UBA7: variants seen among roughly 807,000 people sequenced by gnomAD.
UBA7 encodes the protein ubiquitin like modifier activating enzyme 7, also known as ubiquitin-like modifier-activating enzyme 7.
Under a neutral mutation model 113.0 loss-of-function variants are expected in UBA7, and 88 were observed. The observed-to-expected ratio is 0.78, with a 90% CI of 0.66 to 0.93. The LOEUF is 0.93. Ranked by LOEUF, UBA7 falls within the 40% of genes least tolerant of loss-of-function variation. The probability of loss-of-function intolerance (pLI) is 0.00; values close to 1 mark genes in which losing one functional copy is unlikely to be tolerated. For synonymous variants in UBA7, 459 were observed against 513.0 expected, an observed-to-expected ratio of 0.89 and a Z score of 1.42; for missense variants, 1,092 against 1,266.4, an observed-to-expected ratio of 0.86 and a Z score of 2.09.
rs753048014 is a variant in UBA7, at chr3:49,811,074, G to A, written c.1140C>T (p.Phe380=). 3.1e-5 allele frequency: 50 copies of A among 1,613,880 alleles called. No homozygotes were observed. Among genetic ancestry groups the A allele is most frequent in the Non-Finnish European group, 4.0e-5 (47 of 1,180,008 alleles). ...QEVLKAISRK[F]MPLDQWLYFD... The stretch of plus-strand genomic sequence containing the variant: ...AGTAAAGCCACTGGTCCAGAGGCAT[G>A]AACTTCCTGGAGATTGCCTAGGGGC... The change falls in exon 10 of 24, where the codon TTC becomes TTT. Residue 380 remains phenylalanine, a synonymous_variant. Coordinates refer to ENST00000333486, the MANE Select transcript of UBA7 (RefSeq NM_003335.3).
At position 49,805,416 on chromosome 3, in the gene UBA7, CT is replaced by C; in HGVS notation, c.2930del (p.Gln977ArgfsTer2). 1.2e-6 allele frequency: 2 copies of C among 1,611,076 alleles called. No individual in the cohort carries two copies. Among genetic ancestry groups the C allele is most frequent in the Non-Finnish European group, 1.7e-6 (2 of 1,179,276 alleles). ...CAGGAGCAGGTGCCTGGCCTGTCAG[CT>C]GCTGAACCAGTTCTGTCACCCTGGT... Reference protein sequence around the residue: ...LPLRVTELVQQLTGQAPAPGQ... With the variant: ...LPLRVTELVQXLTGQAPAPGQ... On this transcript the variant is annotated frameshift_variant, in exon 24 of 24. Coordinates refer to ENST00000333486, the MANE Select transcript of UBA7 (RefSeq NM_003335.3). LOFTEE classifies it high-confidence loss of function.
chr3:49,808,824 A>C lies in UBA7; in HGVS notation c.2347+152T>G, dbSNP rs1048986989. ...ACTGAGGGACCAGAGGATAAGCCTG[A>C]AACTATGGAGGAGTGAGGTTAGGAG... On this transcript the variant is annotated intron_variant, in intron 18 of 23. Coordinates refer to ENST00000333486, the MANE Select transcript of UBA7 (RefSeq NM_003335.3). 11 of 1,004,034 alleles carry C rather than the reference A, an allele frequency of 1.1e-5. No individual in the cohort carries two copies. The African/African-American group carries it at 1.3e-4, about 12-fold the overall frequency. 62.2% of individuals were successfully genotyped at this position (1,004,034 alleles called of 1,614,324 possible). A position where few individuals can be genotyped will look rare whatever the true frequency, so the allele number is the denominator to read the frequency against.
At chr3:49,809,326 A>G (rs2081503671) in intron 17 of UBA7, 64 bp downstream of exon 17, 1 of 1,581,938 alleles carries the variant, frequency 6.3e-7, no homozygotes, top group Admixed American at 1.7e-5. Flanking sequence ...GAATGCAGAA[A>G]TGCCTACCTC....
chr3:49,812,738 C>T lies in UBA7; in HGVS notation c.468G>A (p.Gly156=), dbSNP rs777468984. The T allele has an allele frequency of 2.5e-6, 4 of 1,614,108 alleles. No individual in the cohort carries two copies. The highest frequency in any genetic ancestry group is 3.4e-6 in the Non-Finnish European group (4 of 1,180,018). ...FLAADTRGLV[G]QLFCDFGEDF... ...CCTCACCAAAGTCACAGAACAACTG[C>T]CTGAGATGGGGTGGTAGGGGTCACT... Residue 156 remains glycine, a splice_region_variant and synonymous_variant, in exon 5 of 24, where the codon GGG becomes GGA. Transcript: ENST00000333486.
In UBA7 at chr3:49,808,559, C is replaced by A. The variant is rs1472214686; in HGVS notation, c.2348-91G>T. ...GTGCCTATTCTTGGTCTTTGCCAAG[C>A]CTGTCACTTACTATTCCCTGATCAA... On this transcript the variant is annotated intron_variant, in intron 18 of 23. Transcript: ENST00000333486. 5 of 1,333,300 alleles carry A rather than the reference C, an allele frequency of 3.8e-6. No individual in the cohort carries two copies. The East Asian group carries it at 6.9e-5, about 18-fold the overall frequency. The allele number at this position is 1,333,300 out of a possible 1,614,324, so 82.6% of individuals were successfully genotyped here.
chr3:49,811,411 T>G lies in UBA7; in HGVS notation c.984A>C (p.Pro328=). 1.2e-6 allele frequency: 2 copies of G among 1,607,444 alleles called. No homozygotes were observed. Among genetic ancestry groups the G allele is most frequent in the Non-Finnish European group, 1.7e-6 (2 of 1,177,174 alleles). ...GTGGCTCTTCCTCTGTCCGCTTCAG[T>G]GGTTCCAGGTCCCGGGCCAGGCCCA... The part of the protein sequence containing the change: ...TVVGLARDLE[P]LKRTEEEPLE... Residue 328 remains proline, a synonymous_variant, in exon 9 of 24, where the codon CCA becomes CCC. Coordinates refer to ENST00000333486, the MANE Select transcript of UBA7 (RefSeq NM_003335.3).
In UBA7 at chr3:49,812,146, G is replaced by GC; in HGVS notation, c.754dup (p.Ala252GlyfsTer4). On this transcript the variant is annotated frameshift_variant, in exon 7 of 24. Coordinates refer to ENST00000333486, the MANE Select transcript of UBA7 (RefSeq NM_003335.3). LOFTEE classifies it high-confidence loss of function. Reference sequence around the variant, plus strand: ...CTTGGGTCTCTTGACTTCAGTGATAGCCCCACCACGCAAGTACCGAGAGAA... The same window carrying GC: ...CTTGGGTCTCTTGACTTCAGTGATAGCCCCCACCACGCAAGTACCGAGAGAA... 1 of 1,614,196 alleles carries GC rather than the reference G, an allele frequency of 6.2e-7. No individual in the cohort carries two copies. Among genetic ancestry groups the GC allele is most frequent in the Non-Finnish European group, 8.5e-7 (1 of 1,180,036 alleles).
chr3:49,810,188 C>G lies in UBA7; in HGVS notation c.1634-5G>C. On this transcript the variant is annotated splice_region_variant and splice_polypyrimidine_tract_variant and intron_variant, in intron 13 of 23. Coordinates refer to ENST00000333486, the MANE Select transcript of UBA7 (RefSeq NM_003335.3). This position sits in a 1 kb window ranked among gnomAD's most constrained non-coding sequence, Gnocchi z 5.6. Reference sequence around the variant, plus strand: ...AACGAGCAGCCACATAGCGCCCTGGCAAGGGAGCAGTGGGTCAGAAGTGGG... The same window carrying G: ...AACGAGCAGCCACATAGCGCCCTGGGAAGGGAGCAGTGGGTCAGAAGTGGG... 4 of 1,612,884 alleles carry G rather than the reference C, an allele frequency of 2.5e-6. No individual in the cohort carries two copies. Among genetic ancestry groups the G allele is most frequent in the Non-Finnish European group, 2.5e-6 (3 of 1,179,522 alleles).
Position 49,813,245 on chromosome 3 carries a change from T to C in UBA7, c.360+4A>G, listed in dbSNP as rs2108302412. 1 of 1,613,992 alleles carries C rather than the reference T, an allele frequency of 6.2e-7. No individual in the cohort carries two copies. The highest frequency in any genetic ancestry group is 8.5e-7 in the Non-Finnish European group (1 of 1,179,974). ...GCTCTTGAGGGCTGCAGGCCTGAGC[T>C]GACCTGGAAGTCCAACAGCAGGTCC... On this transcript the variant is annotated splice_donor_region_variant and intron_variant, in intron 3 of 23. Transcript: ENST00000333486.
In UBA7 at chr3:49,810,569, A is replaced by C. The variant is rs149607247; in HGVS notation, c.1415T>G (p.Ile472Arg). Residue 472 changes from isoleucine (I) to arginine (R), a missense_variant, in exon 12 of 24, where the codon ATA (isoleucine) becomes AGA (arginine). Coordinates refer to ENST00000333486, the MANE Select transcript of UBA7 (RefSeq NM_003335.3). The surrounding 1 kb of genome is among the most constrained non-coding windows in gnomAD (Gnocchi z 5.6). Reference sequence around the variant, plus strand: ...CTGACGGCTGAGATTGGAGCGCTCTATGTGGTCCATGTCAACAACAGTCAA... The same window carrying C: ...CTGACGGCTGAGATTGGAGCGCTCTCTGTGGTCCATGTCAACAACAGTCAA... ...GGLTVVDMDH[I>R]ERSNLSRQFL... 6.2e-7 allele frequency: 1 copy of C among 1,614,100 alleles called. No homozygotes were observed. Among genetic ancestry groups the C allele is most frequent in the Admixed American group, 1.7e-5 (1 of 60,006 alleles).
intron 6 of UBA7, 76 bp from the exon 7 acceptor site, chr3:49,812,282 G>A: frequency 6.2e-7 from 1 of 1,610,580 alleles, no homozygotes; most frequent in Non-Finnish European, 8.5e-7. Flanking sequence ...TCTTGCATCT[G>A]TGTCCCAGAC....
At chr3:49,808,924 C>A (rs2081497236) in intron 18 of UBA7, 52 bp downstream of exon 18, 1 of 1,583,872 alleles carries the variant, frequency 6.3e-7, no homozygotes, top group Non-Finnish European at 8.6e-7. Flanking sequence ...GAGGACAGGA[C>A]AGGTTCAGGC....
intron 17 of UBA7, 35 bp downstream of exon 17, chr3:49,809,355 C>G (rs764946096): frequency 1.4e-5 from 23 of 1,608,680 alleles, no homozygotes; most frequent in Non-Finnish European, 1.8e-5. Context: ...GGGGCCACAT[C>G]TCTATCTTGG....
chr3:49,808,327 T>G, intron 19 of UBA7, 59 bp downstream of exon 19: 1 of 1,605,656 alleles, frequency 6.2e-7, no homozygotes, highest in Non-Finnish European at 8.5e-7. Context: ...CCTTATTAGC[T>G]CCTGACCTTT....
intron 8 of UBA7, 68 bp downstream of exon 8, chr3:49,811,802 G>A: frequency 5.0e-6 from 8 of 1,593,972 alleles, no homozygotes; most frequent in Non-Finnish European, 6.8e-6. Context: ...AATGGTCATT[G>A]TTGCCTCTGG....
At position 49,807,785 on chromosome 3, in the gene UBA7, G is replaced by A. The variant is rs759020462; in HGVS notation, c.2666C>T (p.Ala889Val). ...CATATAGCGGATGAGGTAGTTTTCA[G>A]CCAGATGTAGGTAGCTGTGGCGAAA... ...SAFRHSYLHL[A>V]ENYLIRYMPF... Residue 889 changes from alanine (A) to valine (V), a missense_variant, in exon 21 of 24, where the codon GCT becomes GTT. Ala to Val is a moderately conservative substitution (Grantham distance 64, BLOSUM62 0). Around this residue, in one of 3 missense-constraint regions of UBA7, gnomAD observed 500 missense variants for 529.3 expected, o/e 0.94. Coordinates refer to ENST00000333486, the MANE Select transcript of UBA7 (RefSeq NM_003335.3). The surrounding 1 kb of genome is among the most constrained non-coding windows in gnomAD (Gnocchi z 4.0). 1.2e-6 allele frequency: 2 copies of A among 1,613,774 alleles called. No homozygotes were observed. The highest frequency in any genetic ancestry group is 2.2e-5 in the East Asian group (1 of 44,894).
Position 49,809,151 on chromosome 3 carries a change from G to C in UBA7, c.2172C>G (p.His724Gln), listed in dbSNP as rs749533188. 2.5e-6 allele frequency: 4 copies of C among 1,610,920 alleles called. No homozygotes were observed. The East Asian group carries it at 6.7e-5, about 27-fold the overall frequency. The part of the protein sequence containing the change: ...PLEFDTNQDT[H>Q]LLYVLAAANL... ...TGGCAGCTGCCAGTACGTAGAGGAG[G>C]TGTGTGTCCTGCAGCCAGACCAAGA... Residue 724 changes from histidine (H) to glutamine (Q), a missense_variant, in exon 18 of 24, where the codon CAC becomes CAG. Physicochemically the swap from His to Gln is conservative, Grantham distance 24. Around this residue, in one of 3 missense-constraint regions of UBA7, gnomAD observed 500 missense variants for 529.3 expected, o/e 0.94. Transcript: ENST00000333486.
chr3:49,813,172 G>T lies in UBA7; in HGVS notation c.361-4C>A. 1 of 1,613,984 alleles carries T rather than the reference G, an allele frequency of 6.2e-7. No individual in the cohort carries two copies. ...TTGCAGCAGTCAGCACCACCACCTG[G>T]GTGGACACAGTGATCAGCAGGGCCA... On this transcript the variant is annotated splice_polypyrimidine_tract_variant and splice_region_variant and intron_variant, in intron 3 of 23. Coordinates refer to ENST00000333486, the MANE Select transcript of UBA7 (RefSeq NM_003335.3).
Position 49,808,060 on chromosome 3 carries a change from C to T in UBA7, c.2483G>A (p.Arg828Lys), listed in dbSNP as rs1224120609. 2.5e-6 allele frequency: 4 copies of T among 1,614,014 alleles called. No homozygotes were observed. The highest frequency in any genetic ancestry group is 1.7e-6 in the Non-Finnish European group (2 of 1,180,028). ...CGGTGGAATCCCGTAGTTCTGACAT[C>T]TCAGGCTAGCTGCCGCTACCACAAA... The part of the protein sequence containing the change: ...VDFVVAAASL[R>K]CQNYGIPPVN... Residue 828 changes from arginine to lysine, a missense_variant, in exon 20 of 24, where the codon AGA (arginine) becomes AAA (lysine). Physicochemically the swap from Arg to Lys is conservative, Grantham distance 26 (BLOSUM62 2). This residue lies in a region of UBA7 where 500 missense variants were observed against 529.3 expected (regional missense o/e 0.94). Transcript: ENST00000333486.
Sources: allele counts gnomAD v4.1 joint callset, GRCh38; gene constraint gnomAD v4.1.1; regional missense constraint gnomAD v4.1.1; non-coding constraint Gnocchi (gnomAD v3.1); transcripts MANE v1.5; gene names NCBI Gene and HGNC (gene_info 2026-07-23, HGNC 2026-07-21).